Variants in ARFGAP3 observed in about 807,000 individuals in gnomAD.
The protein encoded by ARFGAP3 is ADP-ribosylation factor GTPase-activating protein 3.
ARFGAP3 carries 72 observed loss-of-function variants against 75.0 expected under a neutral mutation model. The observed-to-expected ratio is 0.96, with a 90% confidence interval of 0.79 to 1.17. The LOEUF is 1.17. ARFGAP3 is among the 50% of genes most tolerant of loss of function. ARFGAP3 has a pLI of 0.00. For synonymous variants in ARFGAP3, 221 were observed against 217.9 expected, an observed-to-expected ratio of 1.01 and a Z score of -0.13; for missense variants, 620 against 626.6, an observed-to-expected ratio of 0.99 and a Z score of 0.11.
chr22:42,802,109 G>A (rs969721890), intron 14 of ARFGAP3, among the ~76,000 whole-genome samples: 5 of 152,056 alleles, frequency 3.3e-5, no homozygotes, highest in African/African-American at 9.7e-5. Flanking sequence ...AGATCCCTGT[G>A]GGAAGAGTGA....
chr22:42,827,152 T>C (rs1602110905), intron 6 of ARFGAP3, 153 bp from the exon 7 acceptor site: 2 of 912,688 alleles, frequency 2.2e-6, no homozygotes, highest in South Asian at 5.1e-5. Flanking sequence ...TTTAACGTTA[T>C]AAGAATTTTG....
intron 2 of ARFGAP3, among the ~76,000 whole-genome samples, chr22:42,845,804 A>C (rs1250927910): frequency 1.3e-5 from 2 of 152,150 alleles, no homozygotes; most frequent in Non-Finnish European, 2.9e-5. Flanking sequence ...CTTTGGGAGG[A>C]CGAGGGGGGT....
chr22:42,817,099 G>T, intron 11 of ARFGAP3, 43 bp downstream of exon 11: 2 of 1,362,552 alleles, frequency 1.5e-6, no homozygotes, highest in Non-Finnish European at 1.0e-6. Context: ...ACTAGTCACT[G>T]CTTTTCAAAA....
chr22:42,822,020 A>G (rs1925832677), intron 9 of ARFGAP3, among the ~76,000 whole-genome samples: 1 of 152,158 alleles, frequency 6.6e-6, no homozygotes, highest in Non-Finnish European at 1.5e-5. Flanking sequence ...ACCTCCATGC[A>G]TCTCTGTCTT....
At position 42,799,111 on chromosome 22, in the gene ARFGAP3, C is replaced by A; in HGVS notation, c.1461G>T (p.Gln487His). The A allele has an allele frequency of 6.2e-7, 1 of 1,614,206 alleles. No individual in the cohort carries two copies. Among genetic ancestry groups the A allele is most frequent in the East Asian group, 2.2e-5 (1 of 44,882 alleles). The change falls in exon 15 of 16, where the codon CAG becomes CAT. Residue 487 changes from glutamine to histidine, a missense_variant. Physicochemically the swap from Gln to His is conservative, Grantham distance 24 (BLOSUM62 0). Coordinates refer to ENST00000263245, the MANE Select transcript of ARFGAP3 (RefSeq NM_014570.5). ...SVLPNAPDMA[Q>H]FKQGVRSVAG... ...CAACCGATCTCACTCCCTGCTTGAA[C>A]TGCGCCATGTCGGGGGCGTTGGGCA...
chr22:42,837,418 C>T (rs747771489), intron 3 of ARFGAP3, among the ~76,000 whole-genome samples: 21 of 151,968 alleles, frequency 1.4e-4, no homozygotes, highest in Non-Finnish European at 2.2e-4. Context: ...CCTAGGAGTT[C>T]GAGACCAGCC....
chr22:42,822,438 A>T, intron 8 of ARFGAP3, 29 bp from the exon 9 acceptor site: 1 of 1,603,522 alleles, frequency 6.2e-7, no homozygotes, highest in South Asian at 1.1e-5. Context: ...TATAGTCTAC[A>T]CGAGCTGTTT....
chr22:42,814,278 AAT>A (rs750498882), intron 11 of ARFGAP3, among the ~76,000 whole-genome samples: 1 of 152,250 alleles, frequency 6.6e-6, no homozygotes, highest in Admixed American at 6.5e-5. Flanking sequence ...TCATCGAACT[AAT>A]ATATTTGCTT....
Position 42,810,837 on chromosome 22 carries a change from A to G in ARFGAP3, c.1172T>C (p.Leu391Pro). 1 of 1,614,198 alleles carries G rather than the reference A, an allele frequency of 6.2e-7. No homozygotes were observed. The part of the protein sequence containing the change: ...KETSKDTETV[L>P]KTTGYSDRPT... ...CCTGTCTGAATAGCCTGTGGTTTTC[A>G]GAACTGTTTCAGTATCTTTGCTGGT... is the stretch of plus-strand genomic sequence containing the variant. Residue 391 changes from leucine to proline, a missense_variant, in exon 12 of 16, where the codon CTG becomes CCG. Coordinates refer to ENST00000263245, the MANE Select transcript of ARFGAP3 (RefSeq NM_014570.5).
intron 11 of ARFGAP3, chr22:42,811,200 G>T (rs1171690896): frequency 1.2e-5 from 2 of 172,834 alleles, no homozygotes; most frequent in East Asian, 3.8e-4. Flanking sequence ...ACAGTCTCAG[G>T]TAGGTGAAAC....
At chr22:42,831,789 C>CA (rs1569158441) in intron 5 of ARFGAP3, 153 bp from the exon 6 acceptor site, 4 of 1,213,046 alleles carry the variant, frequency 3.3e-6, no homozygotes, top group Non-Finnish European at 4.3e-6. Context: ...TTCTTGCTTT[C>CA]TTTTTTTTTT....
At chr22:42,836,926 G>A (rs1036604699) in intron 3 of ARFGAP3, among the ~76,000 whole-genome samples, 1 of 152,174 alleles carries the variant, frequency 6.6e-6, no homozygotes, top group Non-Finnish European at 1.5e-5. Flanking sequence ...ATACAAAAAG[G>A]ATGGTTCCAA....
intron 6 of ARFGAP3, among the ~76,000 whole-genome samples, chr22:42,829,770 C>A (rs1305590645): frequency 6.6e-6 from 1 of 152,156 alleles, no homozygotes; most frequent in African/African-American, 2.4e-5. Flanking sequence ...CCTAGAAGGG[C>A]TTCCTCAATT....
At chr22:42,837,494 GC>G (rs906197325) in intron 3 of ARFGAP3, among the ~76,000 whole-genome samples, 1 of 151,500 alleles carries the variant, frequency 6.6e-6, no homozygotes, top group Non-Finnish European at 1.5e-5. Context: ...GGTGGTACTT[GC>G]CTGTAGTCCC....
chr22:42,832,162 C>CAAA (rs78600056), intron 5 of ARFGAP3, among the ~76,000 whole-genome samples: 8 of 76,006 alleles, frequency 1.1e-4, no homozygotes, highest in African/African-American at 2.4e-4. Flanking sequence ...ATTATAATAG[C>CAAA]AAAAAAAAAA....
chr22:42,803,521 T>G (rs1924972934), intron 14 of ARFGAP3, among the ~76,000 whole-genome samples: 1 of 151,938 alleles, frequency 6.6e-6, no homozygotes, highest in South Asian at 2.1e-4. Flanking sequence ...GGCAGCTGGG[T>G]TTTAAGCTTT....
chr22:42,820,918 C>T (rs1296010320), intron 9 of ARFGAP3, among the ~76,000 whole-genome samples: 1 of 152,306 alleles, frequency 6.6e-6, no homozygotes, highest in African/African-American at 2.4e-5. Flanking sequence ...GTATCACTAC[C>T]GAACTCATTC....
intron 1 of ARFGAP3, among the ~76,000 whole-genome samples, chr22:42,851,839 A>G (rs1927289224): frequency 6.6e-6 from 1 of 152,236 alleles, no homozygotes; most frequent in Non-Finnish European, 1.5e-5. Context: ...ACAAATAATA[A>G]TAACAGCTAA....
chr22:42,832,803 T>G (rs1319451247), intron 5 of ARFGAP3, among the ~76,000 whole-genome samples: 4 of 151,714 alleles, frequency 2.6e-5, no homozygotes. Flanking sequence ...CTGACCAACA[T>G]GGCGAAACCC....
Sources: gnomAD v4.1 joint callset for allele counts (sites outside exome capture counted in the v4.1 genomes callset) on GRCh38, gnomAD v4.1.1 for gene constraint, MANE v1.5 for transcripts, NCBI Gene and HGNC (gene_info 2026-07-23, HGNC 2026-07-21) for gene names.